Variants in CLIP4 observed in about 807,000 individuals in gnomAD.
CLIP4 encodes CAP-Gly domain containing linker protein family member 4, also known as CAP-Gly domain-containing linker protein 4.
A neutral mutation model predicts 73.1 loss-of-function variants in CLIP4; 47 were observed. The ratio of observed to expected loss-of-function variants is 0.64; its 90% CI spans 0.51 to 0.82. The LOEUF is 0.82. Ranked by LOEUF, CLIP4 falls within the 40% of genes least tolerant of loss-of-function variation. The pLI is 0.00. For missense variants in CLIP4, 874 were observed against 852.9 expected (o/e 1.02, Z -0.31); for synonymous variants, 306 against 295.4 (o/e 1.04, Z -0.37).
intron 15 of CLIP4, among the ~76,000 whole-genome samples, chr2:29,176,284 A>G (rs184947414): frequency 2.8e-4 from 43 of 152,242 alleles, no homozygotes; most frequent in Non-Finnish European, 5.9e-4. Flanking sequence ...TAACCTGGAG[A>G]CATGGTGTGT....
At chr2:29,100,945 C>T (rs1399622846) in intron 1 of CLIP4, among the ~76,000 whole-genome samples, 1 of 152,054 alleles carries the variant, frequency 6.6e-6, no homozygotes, top group African/African-American at 2.4e-5. Context: ...TCACAATAGA[C>T]AGCCTGTAAG....
chr2:29,181,746 G>A lies in CLIP4; in HGVS notation c.1971G>A (p.Glu657=), dbSNP rs1483222738. The change falls in exon 16 of 16, where the codon GAG becomes GAA. Residue 657 remains glutamate, a synonymous_variant. Transcript: ENST00000320081. The part of the protein sequence containing the change: ...DFASGIWLGL[E]LRSAKGKNDG... ...CTTCAGGTATCTGGCTTGGACTTGA[G>A]CTCCGAAGCGCCAAGGGAAAAAATG... is the stretch of plus-strand genomic sequence containing the variant. 1 of 1,614,056 alleles carries A rather than the reference G, an allele frequency of 6.2e-7. No individual in the cohort carries two copies. Among genetic ancestry groups the A allele is most frequent in the South Asian group, 1.1e-5 (1 of 91,078 alleles).
intron 1 of CLIP4, among the ~76,000 whole-genome samples, chr2:29,119,218 T>G: frequency 6.6e-6 from 1 of 152,242 alleles, no homozygotes; most frequent in African/African-American, 2.4e-5. Context: ...TGGTTACATC[T>G]GATTGCATGA....
At chr2:29,103,326 C>A (rs1237702145) in intron 1 of CLIP4, among the ~76,000 whole-genome samples, 5 of 151,858 alleles carry the variant, frequency 3.3e-5, no homozygotes, top group Non-Finnish European at 7.4e-5. Flanking sequence ...GTCTACAAAG[C>A]CTGTTCTTAA....
At chr2:29,162,121 C>T (rs1388070887) in intron 12 of CLIP4, among the ~76,000 whole-genome samples, 1 of 152,072 alleles carries the variant, frequency 6.6e-6, no homozygotes, top group East Asian at 1.9e-4. Context: ...CTTTTGAGTT[C>T]CCTTTCTCTG....
chr2:29,104,041 C>T (rs773378051), intron 1 of CLIP4, among the ~76,000 whole-genome samples: 2 of 151,996 alleles, frequency 1.3e-5, no homozygotes, highest in East Asian at 1.9e-4. Flanking sequence ...GGCCCGCATC[C>T]CAGGAACTCC....
chr2:29,106,580 G>C (rs577670813), intron 1 of CLIP4, among the ~76,000 whole-genome samples: 1 of 152,148 alleles, frequency 6.6e-6, no homozygotes, highest in African/African-American at 2.4e-5. Flanking sequence ...TAAGTGACTT[G>C]CTAGGGTTGC....
At chr2:29,180,657 ATAATT>A (rs766667627) in intron 15 of CLIP4, among the ~76,000 whole-genome samples, 2 of 152,230 alleles carry the variant, frequency 1.3e-5, no homozygotes, top group Admixed American at 6.5e-5. Flanking sequence ...TGAACAAAAA[ATAATT>A]TAAATTTACT....
At chr2:29,141,947 T>G (rs550276349) in intron 6 of CLIP4, among the ~76,000 whole-genome samples, 1 of 152,302 alleles carries the variant, frequency 6.6e-6, no homozygotes, top group South Asian at 2.1e-4. Context: ...CAGCAAGTAT[T>G]ATTTTTTTGT....
intron 3 of CLIP4, 116 bp downstream of exon 3, chr2:29,131,513 A>G: frequency 9.2e-7 from 1 of 1,081,384 alleles, no homozygotes; most frequent in South Asian, 1.8e-5. Flanking sequence ...AAGTTCTGAT[A>G]TTTATTTGTA....
rs575603836 is a variant in CLIP4, at chr2:29,147,947, G to C, written c.1021+2580G>C. ...TTGCCACCTGTCAAGCAGATTAAGG[G>C]CAGGATCAAAAGCCTTTAGCAACAC... On this transcript the variant is annotated intron_variant, in intron 8 of 15. Coordinates refer to ENST00000320081, the MANE Select transcript of CLIP4 (RefSeq NM_024692.6). 5.3e-5 allele frequency among the ~76,000 whole-genome samples: 8 copies of C among 152,142 alleles called. No individual in the cohort carries two copies. In the South Asian group the frequency reaches 1.7e-3, roughly 32 times the overall value.
intron 6 of CLIP4, among the ~76,000 whole-genome samples, chr2:29,143,308 T>C (rs1438117917): frequency 6.6e-6 from 1 of 151,866 alleles, no homozygotes; most frequent in Non-Finnish European, 1.5e-5. Flanking sequence ...TCTGTGGAGA[T>C]GCATCTCATC....
At chr2:29,165,035 G>A (rs890887296) in intron 13 of CLIP4, among the ~76,000 whole-genome samples, 2 of 152,154 alleles carry the variant, frequency 1.3e-5, no homozygotes, top group African/African-American at 4.8e-5. Context: ...GCTCTGTACA[G>A]TGTGCTTTAG....
intron 11 of CLIP4, 98 bp from the exon 12 acceptor site, chr2:29,160,235 G>A (rs2148052677): frequency 6.9e-7 from 1 of 1,447,184 alleles, no homozygotes; most frequent in East Asian, 2.3e-5. Context: ...AGAATACCTA[G>A]TGTGATTTTT....
intron 13 of CLIP4, among the ~76,000 whole-genome samples, chr2:29,166,376 A>G (rs1667617420): frequency 6.6e-6 from 1 of 151,368 alleles, no homozygotes; most frequent in Non-Finnish European, 1.5e-5. Flanking sequence ...TGCACATGTT[A>G]TTTTTTCTGC....
chr2:29,104,159 C>A (rs76644848), intron 1 of CLIP4, among the ~76,000 whole-genome samples: 2 of 152,258 alleles, frequency 1.3e-5, no homozygotes, highest in African/African-American at 2.4e-5. Flanking sequence ...CTATGGACTC[C>A]CTAAGGAAAG....
chr2:29,162,118 G>T (rs1168998172), intron 12 of CLIP4, among the ~76,000 whole-genome samples: 2 of 152,110 alleles, frequency 1.3e-5, no homozygotes, highest in Non-Finnish European at 2.9e-5. Context: ...TGTCTTTTGA[G>T]TTCCCTTTCT....
At chr2:29,129,989 C>A (rs1315140188) in intron 2 of CLIP4, 1 of 470,914 alleles carries the variant, frequency 2.1e-6, no homozygotes, top group African/African-American at 2.0e-5. Flanking sequence ...TGCTCTGGAA[C>A]ACAGGGAATC....
intron 2 of CLIP4, chr2:29,129,904 C>T (rs2148483120): frequency 2.3e-6 from 1 of 436,484 alleles, no homozygotes; most frequent in South Asian, 1.6e-5. Flanking sequence ...TTCTGATCCA[C>T]AGTGTTTTTG....
Sources: allele counts gnomAD v4.1 joint callset (sites outside exome capture counted in the v4.1 genomes callset), GRCh38; gene constraint gnomAD v4.1.1; transcripts MANE v1.5; gene names NCBI Gene and HGNC (gene_info 2026-07-23, HGNC 2026-07-21).